Variants in ANK3 observed in about 807,000 individuals in gnomAD.
The protein encoded by ANK3 is ankyrin-3.
A neutral mutation model predicts 370.9 loss-of-function variants in ANK3; 57 were observed. That is an observed-to-expected ratio of 0.15 (90% CI 0.12 to 0.19). ANK3 has a LOEUF of 0.19. ANK3 is among the 10% of genes least tolerant of loss of function. The pLI, the probability that ANK3 is intolerant of heterozygous loss-of-function variation, is 1.00. For synonymous variants in ANK3, 1,929 were observed against 1,946.3 expected, an observed-to-expected ratio of 0.99 and a Z score of 0.23; for missense variants, 4,439 against 5,302.1, an observed-to-expected ratio of 0.84 and a Z score of 5.06.
intron 1 of ANK3, among the ~76,000 whole-genome samples, chr10:60,654,680 C>T (rs1045385241): frequency 6.6e-6 from 1 of 152,010 alleles, no homozygotes; most frequent in Non-Finnish European, 1.5e-5. Context: ...TATTATTGGG[C>T]TTGTTTCTGA....
chr10:60,179,570 C>T (rs1249472575), intron 18 of ANK3, among the ~76,000 whole-genome samples: 1 of 151,934 alleles, frequency 6.6e-6, no homozygotes, highest in Non-Finnish European at 1.5e-5. Flanking sequence ...TGGCATGTGC[C>T]TGTAGTCCCA....
At chr10:60,128,725 T>C (rs2093909686) in intron 25 of ANK3, among the ~76,000 whole-genome samples, 2 of 152,174 alleles carry the variant, frequency 1.3e-5, no homozygotes, top group African/African-American at 4.8e-5. Flanking sequence ...CATAGGGATA[T>C]TGTGAACTAT....
intron 1 of ANK3, among the ~76,000 whole-genome samples, chr10:60,694,322 G>A (rs1363011495): frequency 2.0e-5 from 3 of 150,952 alleles, no homozygotes; most frequent in Non-Finnish European, 3.0e-5. Context: ...TGGAAAACAC[G>A]GCAGGATATT....
At chr10:60,587,492 A>C (rs1298932941) in intron 2 of ANK3, among the ~76,000 whole-genome samples, 3 of 152,140 alleles carry the variant, frequency 2.0e-5, no homozygotes, top group African/African-American at 7.2e-5. Flanking sequence ...CAAGATCTGG[A>C]GCGGAGAAAT....
chr10:60,615,220 C>T (rs2133322637), exon 2 of ANK3: 1 of 1,514,774 alleles, frequency 6.6e-7, no homozygotes, highest in Non-Finnish European at 8.8e-7. Flanking sequence ...TGATCCAAAG[C>T]CACCCTAAAA....
In ANK3 at chr10:60,493,778, AGGT is replaced by A. The variant is rs564839622; in HGVS notation, c.96+121405_96+121407del. 3.0e-3 allele frequency among the ~76,000 whole-genome samples: 451 copies of A among 152,258 alleles called. 1 individual carries two copies. Among genetic ancestry groups the A allele is most frequent in the African/African-American group, 0.01 (416 of 41,552 alleles). ...ATGTAAGAACTATCATTACACATAA[AGGT>A]GGTTAAGACACAGAATTGGATAAAA... On this transcript the variant is annotated intron_variant, in intron 2 of 43. Coordinates refer to the ANK3 transcript ENST00000373827.
intron 1 of ANK3, among the ~76,000 whole-genome samples, chr10:60,679,819 A>C (rs2079171131): frequency 1.3e-5 from 2 of 152,194 alleles, no homozygotes; most frequent in South Asian, 4.2e-4. Context: ...AAAACTTTTA[A>C]ATAAGCTTTC....
chr10:60,108,788 T>C, intron 27 of ANK3, 42 bp downstream of exon 27: 4 of 1,533,840 alleles, frequency 2.6e-6, no homozygotes, highest in Non-Finnish European at 3.6e-6. Flanking sequence ...AAATCAAAGA[T>C]GCATTGTGAG....
chr10:60,031,608 A>G (rs1310528578), intron 43 of ANK3, among the ~76,000 whole-genome samples: 1 of 152,228 alleles, frequency 6.6e-6, no homozygotes, highest in Non-Finnish European at 1.5e-5. Context: ...TCACTCCCAT[A>G]TAAACAACAG....
chr10:60,641,413 G>A (rs2133351136), intron 1 of ANK3, among the ~76,000 whole-genome samples: 1 of 152,082 alleles, frequency 6.6e-6, no homozygotes, highest in African/African-American at 2.4e-5. Flanking sequence ...AAACAGCATG[G>A]TACTGGTACC....
chr10:60,317,158 A>G (rs574838759), intron 1 of ANK3, among the ~76,000 whole-genome samples: 1 of 151,436 alleles, frequency 6.6e-6, no homozygotes, highest in African/African-American at 2.4e-5. Context: ...AGTACTTTGT[A>G]TACTCAGAGT....
chr10:60,059,669 C>A, intron 40 of ANK3: 1 of 1,580,614 alleles, frequency 6.3e-7, no homozygotes, highest in South Asian at 1.2e-5. Flanking sequence ...GGGACCCAGC[C>A]AAATTTCCAA....
chr10:60,688,164 G>T (rs2079296238), intron 1 of ANK3, among the ~76,000 whole-genome samples: 1 of 152,066 alleles, frequency 6.6e-6, no homozygotes, highest in South Asian at 2.1e-4. Context: ...CTGCCTGCCA[G>T]GTTCAAGTGA....
intron 2 of ANK3, chr10:60,572,772 T>G (rs2077630168): frequency 1.6e-6 from 2 of 1,258,682 alleles, no homozygotes; most frequent in African/African-American, 3.1e-5. Flanking sequence ...TCAATTATTC[T>G]TCTAAAGAAA....
At chr10:60,717,310 CTCACAT>C (rs2079804612) in intron 1 of ANK3, among the ~76,000 whole-genome samples, 1 of 152,142 alleles carries the variant, frequency 6.6e-6, no homozygotes, top group Non-Finnish European at 1.5e-5. Flanking sequence ...ACACCCTTTG[CTCACAT>C]TCCACTTCTG....
Position 60,026,592 on chromosome 10 carries a change from G to A in ANK3, c.*3254C>T, listed in dbSNP as rs1427395074. ...CTGACAATAGTTTATTGGCCATGGAGAAAATCCTCAGTCTTGATGGAACTC... is the reference window on the plus strand; with the variant it reads ...CTGACAATAGTTTATTGGCCATGGAAAAAATCCTCAGTCTTGATGGAACTC... On this transcript the variant is annotated 3_prime_UTR_variant, in exon 44 of 44. Transcript: ENST00000280772. The A allele has an allele frequency of 2.0e-5, 3 of 152,200 alleles. No individual in the cohort carries two copies. Among genetic ancestry groups the A allele is most frequent in the African/African-American group, 7.2e-5 (3 of 41,450 alleles). 9.4% of individuals were successfully genotyped at this position (152,200 alleles called of 1,614,324 possible). A position where few individuals can be genotyped will look rare whatever the true frequency, so the allele number is the denominator to read the frequency against.
At chr10:60,131,725 A>G (rs1008948349) in intron 25 of ANK3, among the ~76,000 whole-genome samples, 3 of 152,266 alleles carry the variant, frequency 2.0e-5, no homozygotes, top group South Asian at 2.1e-4. Context: ...TTTTACTTCA[A>G]TGTTGATGTG....
chr10:60,600,117 A>T (rs1052355001), intron 2 of ANK3, among the ~76,000 whole-genome samples: 10 of 152,206 alleles, frequency 6.6e-5, no homozygotes, highest in Non-Finnish European at 1.5e-4. Context: ...AGCAAACAAT[A>T]TTTGACTCAA....
intron 23 of ANK3, among the ~76,000 whole-genome samples, chr10:60,159,775 C>T (rs953235611): frequency 1.3e-5 from 2 of 152,108 alleles, no homozygotes; most frequent in African/African-American, 4.8e-5. Flanking sequence ...ACCTTGGAAA[C>T]TATGCAAACA....
Sources: gnomAD v4.1 joint callset for allele counts (sites outside exome capture counted in the v4.1 genomes callset) on GRCh38, gnomAD v4.1.1 for gene constraint, MANE v1.5 for transcripts, NCBI Gene and HGNC (gene_info 2026-07-23, HGNC 2026-07-21) for gene names.